RADIL: variants seen among roughly 807,000 people sequenced by gnomAD.
RADIL encodes the protein ras-associating and dilute domain-containing protein.
In RADIL, 99 loss-of-function variants were observed where a neutral mutation model predicts 97.6. The ratio of observed to expected loss-of-function variants is 1.01; its 90% CI spans 0.86 to 1.20. RADIL has a LOEUF of 1.20. Ranked by LOEUF, RADIL falls within the 50% of genes most tolerant of loss-of-function variation. The pLI is 0.00. For synonymous variants in RADIL, 803 were observed against 691.8 expected (o/e 1.16, Z -2.52); for missense variants, 1,765 against 1,498.9 (o/e 1.18, Z -2.93).
intron 5 of RADIL, among the ~76,000 whole-genome samples, chr7:4,829,170 C>A (rs928336660): frequency 8.5e-5 from 13 of 152,358 alleles, no homozygotes; most frequent in Middle Eastern, 3.4e-3. Flanking sequence ...GGGGCCCGGG[C>A]CTGGACCACC....
chr7:4,800,889 C>CT (rs1782060835), intron 12 of RADIL, among the ~76,000 whole-genome samples: 1 of 152,208 alleles, frequency 6.6e-6, no homozygotes, highest in Non-Finnish European at 1.5e-5. Context: ...AGGGGACACT[C>CT]TGACTCTGCA....
rs56177809 is a variant in RADIL at position 4,847,739 on chromosome 7, C to CAAAAAAAAAAA, written c.536-11145_536-11135dup. On this transcript the variant is annotated intron_variant, in intron 2 of 14. Coordinates refer to ENST00000399583, the MANE Select transcript of RADIL (RefSeq NM_018059.5). ...TATGCTACGTGAAAAAAGCTAGATGCAAAAAAAAAAAAAAAAAAAAAAAAA... is the reference window on the plus strand; with the variant it reads ...TATGCTACGTGAAAAAAGCTAGATGCAAAAAAAAAAAAAAAAAAAAAAAAAAAAAAAAAAAA... Among the ~76,000 whole-genome samples, 51 of 23,806 alleles carry CAAAAAAAAAAA rather than the reference C, an allele frequency of 2.1e-3. 10 individuals carry two copies. Among genetic ancestry groups the CAAAAAAAAAAA allele is most frequent in the Non-Finnish European group, 2.9e-3 (40 of 13,608 alleles). 15.6% of individuals were successfully genotyped at this position (23,806 alleles called of 152,430 possible).
At chr7:4,832,435 C>T (rs970749456) in intron 4 of RADIL, among the ~76,000 whole-genome samples, 7 of 152,102 alleles carry the variant, frequency 4.6e-5, no homozygotes, top group Non-Finnish European at 5.9e-5. Context: ...ACATAACAAC[C>T]GGCTATTTAA....
chr7:4,877,137 C>G (rs370271750), intron 2 of RADIL, among the ~76,000 whole-genome samples: 3 of 152,184 alleles, frequency 2.0e-5, no homozygotes, highest in Admixed American at 2.0e-4. Context: ...CCTCCTGCTG[C>G]GTAGACAAAC....
Position 4,797,408 on chromosome 7 carries a change from G to A in RADIL, c.*1970C>T, listed in dbSNP as rs1231879577. 1 of 152,262 alleles carries A rather than the reference G, an allele frequency of 6.6e-6. No homozygotes were observed. Among genetic ancestry groups the A allele is most frequent in the African/African-American group, 2.4e-5 (1 of 41,458 alleles). The allele number at this position is 152,262 out of a possible 1,614,324, so 9.4% of individuals were successfully genotyped here. A position where few individuals can be genotyped will look rare whatever the true frequency, so the allele number is the denominator to read the frequency against. ...TCCTGTTGTTCGGAGCAAGTCAGAA[G>A]GCCGGAGAATATTGCAGGGAAGAAG... On this transcript the variant is annotated 3_prime_UTR_variant, in exon 15 of 15. Transcript: ENST00000399583.
chr7:4,836,686 C>T, intron 2 of RADIL, 81 bp from the exon 3 acceptor site: 2 of 1,567,048 alleles, frequency 1.3e-6, no homozygotes, highest in Non-Finnish European at 1.7e-6. Flanking sequence ...CCCTGTAATC[C>T]CAGCACTTTG....
Position 4,817,479 on chromosome 7 carries a change from G to A in RADIL, c.1616-128C>T, listed in dbSNP as rs538759515. The A allele has an allele frequency of 1.5e-5, 11 of 735,164 alleles. No homozygotes were observed. The highest frequency in any genetic ancestry group is 1.1e-4 in the South Asian group (6 of 53,696). The allele number at this position is 735,164 out of a possible 1,614,324, so 45.5% of individuals were successfully genotyped here. A position where few individuals can be genotyped will look rare whatever the true frequency, so the allele number is the denominator to read the frequency against. On this transcript the variant is annotated intron_variant, in intron 6 of 14. Transcript: ENST00000399583. This position sits in a 1 kb window ranked among gnomAD's most constrained non-coding sequence, Gnocchi z 8.3. ...ACGCGCCCATCTGGGGTCCAGATGCGATAAACTGGCCGAGGGACTCTGGGC... is the reference window on the plus strand; with the variant it reads ...ACGCGCCCATCTGGGGTCCAGATGCAATAAACTGGCCGAGGGACTCTGGGC...
In RADIL at chr7:4,822,215, A is replaced by G. The variant is rs949211496; in HGVS notation, c.1615+179T>C. 6.6e-6 allele frequency among the ~76,000 whole-genome samples: 1 copy of G among 152,088 alleles called. No individual in the cohort carries two copies. Among genetic ancestry groups the G allele is most frequent in the African/African-American group, 2.4e-5 (1 of 41,428 alleles). On this transcript the variant is annotated intron_variant, in intron 6 of 14. Coordinates refer to ENST00000399583, the MANE Select transcript of RADIL (RefSeq NM_018059.5). This position sits in a 1 kb window ranked among gnomAD's most constrained non-coding sequence, Gnocchi z 5.3. ...TGCCAGACTGGCCCGTGCCACCAGC[A>G]CCAGCCTCACAGGCCGTCCCCGAGC...
rs1377668862 is a variant in RADIL, at chr7:4,835,223, A to G, written c.800T>C (p.Val267Ala). The part of the protein sequence containing the change: ...YSQQHDSLVY[V>A]LNRDRHTVGQ... ...CACCGTGTGCCGGTCCCGGTTGAGCACATACACCAGGCTGTCCTGAAACAG... is the reference window on the plus strand; with the variant it reads ...CACCGTGTGCCGGTCCCGGTTGAGCGCATACACCAGGCTGTCCTGAAACAG... Residue 267 changes from valine (V) to alanine (A), a missense_variant, in exon 4 of 15, where the codon GTG becomes GCG. Transcript: ENST00000399583. This position sits in a 1 kb window ranked among gnomAD's most constrained non-coding sequence, Gnocchi z 5.8. The G allele has an allele frequency of 1.2e-6, 2 of 1,610,346 alleles. No individual in the cohort carries two copies. The highest frequency in any genetic ancestry group is 1.7e-6 in the Non-Finnish European group (2 of 1,179,844).
At chr7:4,831,020 CAA>C (rs546511408) in intron 5 of RADIL, among the ~76,000 whole-genome samples, 4 of 123,652 alleles carry the variant, frequency 3.2e-5, no homozygotes, top group Non-Finnish European at 1.8e-5. Context: ...GATGCCGTTT[CAA>C]AAAAAAAAAA....
At chr7:4,866,920 G>A (rs75264564) in intron 2 of RADIL, among the ~76,000 whole-genome samples, 4,090 of 152,258 alleles carry the variant, frequency 0.027, 97 homozygotes, top group Non-Finnish European at 0.036. Flanking sequence ...AGACCAGATC[G>A]AGAATGGATT....
At chr7:4,859,290 A>T (rs569611672) in intron 2 of RADIL, 5 of 152,778 alleles carry the variant, frequency 3.3e-5, no homozygotes, top group Non-Finnish European at 7.3e-5. Context: ...AATAAAAAAT[A>T]TAAAGTGCCT....
intron 2 of RADIL, among the ~76,000 whole-genome samples, chr7:4,866,195 G>C (rs1388192831): frequency 1.3e-5 from 2 of 152,106 alleles, no homozygotes; most frequent in Non-Finnish European, 2.9e-5. Context: ...ACCCAGGCTG[G>C]AGTGCAGTAG....
rs754314181 is a variant in RADIL, at chr7:4,834,904, C to T, written c.1119G>A (p.Arg373=). The T allele has an allele frequency of 2.6e-6, 4 of 1,520,406 alleles. No homozygotes were observed. In the African/African-American group the frequency reaches 5.5e-5, roughly 21 times the overall value. 94.2% of individuals were successfully genotyped at this position (1,520,406 alleles called of 1,614,324 possible). A position where few individuals can be genotyped will look rare whatever the true frequency, so the allele number is the denominator to read the frequency against. ...ACAGCCGGCAGCTCTGCGGCACAGCCCGGAGGCGCGCCAAGGCCCGGGCGG... is the reference window on the plus strand; with the variant it reads ...ACAGCCGGCAGCTCTGCGGCACAGCTCGGAGGCGCGCCAAGGCCCGGGCGG... ...PLPARALARL[R]AVPQSCRLCG... is the part of the protein sequence containing the mutation. Residue 373 remains arginine (R), a synonymous_variant, in exon 4 of 15, where the codon CGG becomes CGA. Coordinates refer to ENST00000399583, the MANE Select transcript of RADIL (RefSeq NM_018059.5). The surrounding 1 kb of genome is among the most constrained non-coding windows in gnomAD (Gnocchi z 6.0).
chr7:4,799,708 G>A lies in RADIL; in HGVS notation c.3044C>T (p.Ala1015Val), dbSNP rs375862341. 8.3e-6 allele frequency: 13 copies of A among 1,570,274 alleles called. No individual in the cohort carries two copies. Among genetic ancestry groups the A allele is most frequent in the African/African-American group, 8.1e-5 (6 of 74,166 alleles). Reference sequence around the variant, plus strand: ...CCCCAGCGACAGGCGCCCGTCGGCCGCTGCGGGGCTGCCCGGGAGCAGGGT... The same window carrying A: ...CCCCAGCGACAGGCGCCCGTCGGCCACTGCGGGGCTGCCCGGGAGCAGGGT... Reference protein sequence around the residue: ...IQTLLPGSPAAADGRLSLGDR... With the variant: ...IQTLLPGSPAVADGRLSLGDR... The change falls in exon 14 of 15, where the codon GCG becomes GTG. Residue 1015 changes from alanine to valine, a missense_variant. By Grantham distance (64) the Ala-to-Val change is moderately conservative. Coordinates refer to ENST00000399583, the MANE Select transcript of RADIL (RefSeq NM_018059.5).
rs915180074 is a variant in RADIL, at chr7:4,840,860, G to A, written c.536-4255C>T. 1.3e-5 allele frequency among the ~76,000 whole-genome samples: 2 copies of A among 152,144 alleles called. No individual in the cohort carries two copies. The highest frequency in any genetic ancestry group is 4.8e-5 in the African/African-American group (2 of 41,432). On this transcript the variant is annotated intron_variant, in intron 2 of 14. Transcript: ENST00000399583. The surrounding 1 kb of genome is among the most constrained non-coding windows in gnomAD (Gnocchi z 5.6). ...TGGGCGCCTGTAGTCCCGGCTACTC[G>A]AGAGGCTGAGGCAGGAGAATGGCTT...
Position 4,803,607 on chromosome 7 carries a change from C to G in RADIL, c.2438G>C (p.Arg813Thr). Residue 813 changes from arginine (R) to threonine (T), a missense_variant, in exon 11 of 15, where the codon AGA (arginine) becomes ACA (threonine). Coordinates refer to ENST00000399583, the MANE Select transcript of RADIL (RefSeq NM_018059.5). Reference protein sequence around the residue: ...VRHFLWGLRSRASPGSPGRPG... With the variant: ...VRHFLWGLRSTASPGSPGRPG... ...CCTGCCAGGGCTGCCGGGGCTGGCT[C>G]TGCTCCGCAGACCCCACAGAAAGTG... The G allele has an allele frequency of 1.3e-6, 2 of 1,545,536 alleles. No individual in the cohort carries two copies. Among genetic ancestry groups the G allele is most frequent in the Non-Finnish European group, 1.7e-6 (2 of 1,146,220 alleles).
intron 10 of RADIL, 124 bp from the exon 11 acceptor site, chr7:4,803,878 G>A: frequency 1.2e-6 from 1 of 868,712 alleles, no homozygotes. Flanking sequence ...CCTGCCCTGT[G>A]GACACAGGAG....
intron 2 of RADIL, among the ~76,000 whole-genome samples, chr7:4,875,318 G>A (rs1784350776): frequency 6.6e-6 from 1 of 151,888 alleles, no homozygotes; most frequent in African/African-American, 2.4e-5. Flanking sequence ...GTTTGAACCT[G>A]GGAGGCAGAG....
Sources: allele counts gnomAD v4.1 joint callset (sites outside exome capture counted in the v4.1 genomes callset), GRCh38; gene constraint gnomAD v4.1.1; non-coding constraint Gnocchi (gnomAD v3.1); transcripts MANE v1.5; gene names NCBI Gene and HGNC (gene_info 2026-07-23, HGNC 2026-07-21).